PTPN4: variants seen among roughly 807,000 people sequenced by gnomAD.
PTPN4 encodes the protein protein tyrosine phosphatase non-receptor type 4, also known as tyrosine-protein phosphatase non-receptor type 4.
PTPN4 carries 49 observed loss-of-function variants against 135.5 expected under a neutral mutation model. The observed-to-expected ratio is 0.36, with a 90% CI of 0.29 to 0.46. The LOEUF (loss-of-function observed/expected upper bound fraction) is 0.46, where lower values mean the gene tolerates loss of function less well. Among genes scored for constraint, PTPN4 ranks in the 20% least tolerant of loss-of-function variants. The pLI is 1.00. For synonymous variants in PTPN4, 333 were observed against 369.9 expected, an observed-to-expected ratio of 0.90 and a Z score of 1.14; for missense variants, 860 against 1,101.0, an observed-to-expected ratio of 0.78 and a Z score of 3.10.
intron 1 of PTPN4, among the ~76,000 whole-genome samples, chr2:119,788,081 GT>G (rs1194722437): frequency 6.6e-6 from 1 of 152,078 alleles, no homozygotes; most frequent in African/African-American, 2.4e-5. Flanking sequence ...GTTTATTTTG[GT>G]TTATTTAAAA....
intron 2 of PTPN4, among the ~76,000 whole-genome samples, chr2:119,814,312 C>T (rs1198096608): frequency 2.6e-5 from 4 of 152,150 alleles, no homozygotes; most frequent in Admixed American, 6.5e-5. Flanking sequence ...ACAATTAGTA[C>T]AGTACAAATT....
At chr2:119,848,455 G>A (rs1335204786) in intron 2 of PTPN4, among the ~76,000 whole-genome samples, 1 of 151,824 alleles carries the variant, frequency 6.6e-6, no homozygotes, top group East Asian at 1.9e-4. Flanking sequence ...TTACAGGCGT[G>A]AGCCACCACA....
rs1679434397 is a variant in PTPN4, at chr2:119,965,578, C to A, written c.2491C>A (p.Leu831Ile). 6.2e-7 allele frequency: 1 copy of A among 1,613,986 alleles called. No homozygotes were observed. The highest frequency in any genetic ancestry group is 1.3e-5 in the African/African-American group (1 of 75,030). ...HGVPDDSSDF[L>I]DFVCHVRNKR... ...AGTCCCTGATGATTCGAGTGACTTT[C>A]TAGATTTTGTTTGTCATGTACGAAA... The change falls in exon 25 of 27, where the codon CTA (leucine) becomes ATA (isoleucine). Residue 831 changes from leucine to isoleucine, a missense_variant. Coordinates refer to ENST00000263708, the MANE Select transcript of PTPN4 (RefSeq NM_002830.4).
intron 1 of PTPN4, among the ~76,000 whole-genome samples, chr2:119,796,684 T>C (rs1401595711): frequency 1.3e-5 from 2 of 152,366 alleles, no homozygotes; most frequent in African/African-American, 4.8e-5. Context: ...TATGGATCTA[T>C]GCATTTGTTA....
At chr2:119,960,004 G>T (rs1407580595) in intron 22 of PTPN4, among the ~76,000 whole-genome samples, 1 of 152,040 alleles carries the variant, frequency 6.6e-6, no homozygotes, top group Non-Finnish European at 1.5e-5. Context: ...TATATATATA[G>T]TATACTACCA....
At chr2:119,763,140 AGAG>A (rs1460358224) in intron 1 of PTPN4, among the ~76,000 whole-genome samples, 1 of 152,160 alleles carries the variant, frequency 6.6e-6, no homozygotes, top group East Asian at 1.9e-4. Context: ...ATGGGGAAAA[AGAG>A]GAGGGGAAAT....
intron 9 of PTPN4, among the ~76,000 whole-genome samples, chr2:119,889,190 C>T (rs549311770): frequency 7.2e-5 from 11 of 152,244 alleles, no homozygotes; most frequent in East Asian, 5.8e-4. Flanking sequence ...GAGGCCAAGA[C>T]GGGCGGATCA....
Position 119,946,400 on chromosome 2 carries a change from T to C in PTPN4, c.1575T>C (p.Asn525=). Residue 525 remains asparagine, a synonymous_variant, in exon 17 of 27, where the codon AAT becomes AAC. Transcript: ENST00000263708. ...LVLIRMKPDE[N]GRFGFNVKGG... ...TAATCAGAATGAAACCTGATGAAAA[T>C]GGGAGGTTTGGATTCAATGTAAAGG... The C allele has an allele frequency of 6.2e-7, 1 of 1,611,172 alleles. No homozygotes were observed. The highest frequency in any genetic ancestry group is 1.1e-5 in the South Asian group (1 of 90,684).
At chr2:119,943,715 T>C (rs906513958) in intron 15 of PTPN4, among the ~76,000 whole-genome samples, 2 of 149,896 alleles carry the variant, frequency 1.3e-5, no homozygotes. Context: ...CCCCCCCGAG[T>C]AGCTGGGACT....
intron 3 of PTPN4, among the ~76,000 whole-genome samples, chr2:119,869,330 G>A (rs1419782504): frequency 2.0e-5 from 3 of 152,196 alleles, no homozygotes; most frequent in Non-Finnish European, 4.4e-5. Flanking sequence ...GTACACATTT[G>A]TCACAATTTA....
chr2:119,944,572 C>T (rs576637533), intron 15 of PTPN4, among the ~76,000 whole-genome samples: 1 of 152,276 alleles, frequency 6.6e-6, no homozygotes, highest in African/African-American at 2.4e-5. Context: ...AGTTTTGGCT[C>T]TGGTGATGAT....
At chr2:119,951,640 A>G (rs1679213280) in intron 18 of PTPN4, among the ~76,000 whole-genome samples, 1 of 152,202 alleles carries the variant, frequency 6.6e-6, no homozygotes, top group Non-Finnish European at 1.5e-5. Context: ...GACTGCTGTT[A>G]TTTAATTAAA....
chr2:119,885,131 G>A (rs1678136929), intron 8 of PTPN4, among the ~76,000 whole-genome samples: 1 of 152,028 alleles, frequency 6.6e-6, no homozygotes, highest in African/African-American at 2.4e-5. Context: ...AACCATCTGT[G>A]ATGAAAGATG....
intron 8 of PTPN4, among the ~76,000 whole-genome samples, chr2:119,885,059 TTAAATA>T (rs926599326): frequency 1.8e-4 from 28 of 152,226 alleles, no homozygotes; most frequent in Admixed American, 1.2e-3. Flanking sequence ...GGTATTCTTG[TTAAATA>T]TAAACAGTTT....
At chr2:119,811,693 A>G (rs1676878869) in intron 2 of PTPN4, among the ~76,000 whole-genome samples, 1 of 152,104 alleles carries the variant, frequency 6.6e-6, no homozygotes, top group Non-Finnish European at 1.5e-5. Context: ...AAATTTAGCT[A>G]CTATTTAGTT....
intron 1 of PTPN4, among the ~76,000 whole-genome samples, chr2:119,774,506 G>A (rs1437625137): frequency 1.3e-5 from 2 of 152,108 alleles, no homozygotes; most frequent in Non-Finnish European, 2.9e-5. Context: ...TATTAGTGCA[G>A]GATTGCTATT....
chr2:119,967,802 A>G, intron 25 of PTPN4, 35 bp from the exon 26 acceptor site: 3 of 1,528,310 alleles, frequency 2.0e-6, no homozygotes, highest in South Asian at 2.6e-5. Flanking sequence ...ACAGAATAGT[A>G]TCGGTAAGAT....
At chr2:119,804,220 C>G (rs1260148884) in intron 1 of PTPN4, among the ~76,000 whole-genome samples, 1 of 152,100 alleles carries the variant, frequency 6.6e-6, no homozygotes, top group Non-Finnish European at 1.5e-5. Flanking sequence ...TCAAGGGATC[C>G]TCCTACCTCA....
At chr2:119,884,517 A>G (rs748528303) in intron 8 of PTPN4, among the ~76,000 whole-genome samples, 5 of 152,186 alleles carry the variant, frequency 3.3e-5, no homozygotes, top group Non-Finnish European at 7.3e-5. Flanking sequence ...CTGAGTTTTT[A>G]ATGGACTACC....
Sources: gnomAD v4.1 joint callset for allele counts (sites outside exome capture counted in the v4.1 genomes callset) on GRCh38, gnomAD v4.1.1 for gene constraint, MANE v1.5 for transcripts, NCBI Gene and HGNC (gene_info 2026-07-23, HGNC 2026-07-21) for gene names.